Variants in ROBO1 observed in about 807,000 individuals in gnomAD.
ROBO1 encodes the protein roundabout homolog 1.
Under a neutral mutation model 195.9 loss-of-function variants are expected in ROBO1, and 149 were observed. The observed-to-expected ratio is 0.76, with a 90% confidence interval of 0.67 to 0.87. ROBO1 has a LOEUF of 0.87. Among genes scored for constraint, ROBO1 ranks in the 40% least tolerant of loss-of-function variants. The pLI is 0.00. For missense variants in ROBO1, 1,933 were observed against 2,068.3 expected, an observed-to-expected ratio of 0.93 and a Z score of 1.27; for synonymous variants, 816 against 733.2, an observed-to-expected ratio of 1.11 and a Z score of -1.82.
chr3:79,647,542 G>C (rs1433116183), intron 1 of ROBO1, among the ~76,000 whole-genome samples: 1 of 150,798 alleles, frequency 6.6e-6, no homozygotes, highest in Non-Finnish European at 1.5e-5. Context: ...ATTTGGTAAA[G>C]TACGGAGACA....
chr3:79,595,895 G>A (rs956439188), intron 1 of ROBO1, among the ~76,000 whole-genome samples: 1 of 151,794 alleles, frequency 6.6e-6, no homozygotes, highest in African/African-American at 2.4e-5. Flanking sequence ...GGCTTGTAGA[G>A]TAAATTGCTA....
chr3:78,910,070 T>C (rs1458310899), intron 4 of ROBO1, among the ~76,000 whole-genome samples: 1 of 151,870 alleles, frequency 6.6e-6, no homozygotes, highest in Non-Finnish European at 1.5e-5. Context: ...GGTATTAAAA[T>C]ATTCCTGAAT....
At chr3:79,651,478 A>G (rs1398304838) in intron 1 of ROBO1, among the ~76,000 whole-genome samples, 1 of 152,120 alleles carries the variant, frequency 6.6e-6, no homozygotes, top group Non-Finnish European at 1.5e-5. Context: ...AAGCCAAAAC[A>G]TCCATATAAA....
At chr3:79,763,563 G>T (rs1704825660) in intron 1 of ROBO1, among the ~76,000 whole-genome samples, 1 of 152,112 alleles carries the variant, frequency 6.6e-6, no homozygotes, top group Non-Finnish European at 1.5e-5. Flanking sequence ...AGACACGTGT[G>T]CAGAAATGGA....
At chr3:78,647,716 C>A (rs1706390616) in intron 19 of ROBO1, 61 bp from the exon 20 acceptor site, 2 of 1,326,480 alleles carry the variant, frequency 1.5e-6, no homozygotes, top group Non-Finnish European at 2.2e-6. Context: ...GGGAACATAT[C>A]ACATTAGTAT....
chr3:78,946,836 A>C (rs1312974747), intron 3 of ROBO1, among the ~76,000 whole-genome samples: 1 of 152,164 alleles, frequency 6.6e-6, no homozygotes, highest in Non-Finnish European at 1.5e-5. Flanking sequence ...AGATCTACCA[A>C]GCAAATGGAA....
intron 4 of ROBO1, among the ~76,000 whole-genome samples, chr3:78,849,529 C>G (rs898923723): frequency 6.6e-6 from 1 of 151,952 alleles, no homozygotes; most frequent in East Asian, 1.9e-4. Context: ...TTTTGATAGT[C>G]TGGAGTTATT....
chr3:78,660,718 C>A, intron 16 of ROBO1: 1 of 210,912 alleles, frequency 4.7e-6, no homozygotes. Context: ...GGAAAATAAA[C>A]CAAACGGAAA....
chr3:79,513,656 G>A (rs949776094), intron 2 of ROBO1, among the ~76,000 whole-genome samples: 1 of 151,802 alleles, frequency 6.6e-6, no homozygotes, highest in African/African-American at 2.4e-5. Context: ...TGCCTTGTAA[G>A]AGCCAGCATT....
chr3:79,542,354 T>C (rs1212348527), intron 2 of ROBO1, among the ~76,000 whole-genome samples: 1 of 152,200 alleles, frequency 6.6e-6, no homozygotes, highest in African/African-American at 2.4e-5. Flanking sequence ...TCACATTTTT[T>C]GTAATATGTT....
At chr3:79,386,643 C>T (rs563087066) in intron 2 of ROBO1, among the ~76,000 whole-genome samples, 1 of 152,224 alleles carries the variant, frequency 6.6e-6, no homozygotes, top group African/African-American at 2.4e-5. Flanking sequence ...CAGGGCAGCC[C>T]AGCCAGCAGA....
At chr3:78,663,234 G>A (rs1402299882) in intron 14 of ROBO1, among the ~76,000 whole-genome samples, 1 of 151,390 alleles carries the variant, frequency 6.6e-6, no homozygotes, top group Non-Finnish European at 1.5e-5. Context: ...TAGGCAAGTG[G>A]AAGAGATGAC....
intron 1 of ROBO1, among the ~76,000 whole-genome samples, chr3:79,746,252 T>A (rs756566385): frequency 2.6e-4 from 39 of 152,044 alleles, no homozygotes; most frequent in Non-Finnish European, 4.4e-4. Flanking sequence ...TCCTCTTTAA[T>A]CTTTAAAAAT....
intron 3 of ROBO1, among the ~76,000 whole-genome samples, chr3:79,017,863 G>A (rs2077989648): frequency 6.6e-6 from 1 of 152,116 alleles, no homozygotes; most frequent in Non-Finnish European, 1.5e-5. Flanking sequence ...GTTATTTCGT[G>A]AAGCTTCTTC....
intron 1 of ROBO1, among the ~76,000 whole-genome samples, chr3:79,613,665 C>G (rs1944733028): frequency 6.6e-6 from 1 of 152,056 alleles, no homozygotes. Context: ...CACACAATAT[C>G]ACTTGTAATA....
intron 3 of ROBO1, among the ~76,000 whole-genome samples, chr3:78,948,141 G>C (rs1407707614): frequency 6.6e-6 from 1 of 152,072 alleles, no homozygotes; most frequent in Non-Finnish European, 1.5e-5. Context: ...CCAATCAATA[G>C]AAAAAGAGGG....
At chr3:78,759,790 A>C (rs1157157422) in intron 4 of ROBO1, among the ~76,000 whole-genome samples, 1 of 152,204 alleles carries the variant, frequency 6.6e-6, no homozygotes, top group African/African-American at 2.4e-5. Flanking sequence ...CACATCTCTG[A>C]AAATGCACCA....
chr3:79,366,561 T>C (rs2035983843), intron 2 of ROBO1, among the ~76,000 whole-genome samples: 1 of 152,202 alleles, frequency 6.6e-6, no homozygotes, highest in Non-Finnish European at 1.5e-5. Flanking sequence ...ATGTTTTATA[T>C]GCCCTCCTTA....
intron 2 of ROBO1, among the ~76,000 whole-genome samples, chr3:79,135,242 C>A (rs963342034): frequency 6.6e-6 from 1 of 152,108 alleles, no homozygotes; most frequent in Non-Finnish European, 1.5e-5. Flanking sequence ...ATATTTTACA[C>A]TGCAAAAGTA....
Sources: allele counts gnomAD v4.1 joint callset (sites outside exome capture counted in the v4.1 genomes callset), GRCh38; gene constraint gnomAD v4.1.1; transcripts MANE v1.5; gene names NCBI Gene and HGNC (gene_info 2026-07-23, HGNC 2026-07-21).